The following SRPK1 variants were observed in gnomAD, a reference collection of about 807,000 sequenced individuals.
The protein encoded by SRPK1 is SRSF protein kinase 1, also known as SFRS protein kinase 1.
SRPK1 carries 52 observed loss-of-function variants against 89.5 expected under a neutral mutation model. That is an observed-to-expected ratio of 0.58 (90% confidence interval 0.46 to 0.73). SRPK1 has a LOEUF of 0.73. Among genes scored for constraint, SRPK1 ranks in the 30% least tolerant of loss-of-function variants. SRPK1 has a pLI of 0.00. For synonymous variants in SRPK1, 255 were observed against 270.2 expected (o/e 0.94, Z 0.55); for missense variants, 603 against 780.6 (o/e 0.77, Z 2.71).
At chr6:35,918,223 A>C (rs1312269457) in intron 2 of SRPK1, among the ~76,000 whole-genome samples, 4 of 152,250 alleles carry the variant, frequency 2.6e-5, no homozygotes, top group African/African-American at 9.6e-5. Context: ...AAAAAGAGCA[A>C]GGTGCAGTGG....
chr6:35,920,244 G>C (rs1452235183), intron 2 of SRPK1: 5 of 625,158 alleles, frequency 8.0e-6, no homozygotes, highest in Non-Finnish European at 1.5e-5. Context: ...TCCTCCGACA[G>C]CCCTTTCCAG....
In SRPK1 at chr6:35,863,618, C is replaced by T. The variant is rs1769832101; in HGVS notation, c.1512+5392G>A. ...AGGCCCACTGATCCCCAGGCAAATA[C>T]ATGGGGAGGGGGAGGTGGAGGGGGA... On this transcript the variant is annotated intron_variant, in intron 12 of 15. Transcript: ENST00000373825. 2.8e-5 allele frequency among the ~76,000 whole-genome samples: 4 copies of T among 141,812 alleles called. No homozygotes were observed. The South Asian group carries it at 8.9e-4, about 32-fold the overall frequency. 93.0% of individuals were successfully genotyped at this position (141,812 alleles called of 152,430 possible).
intron 8 of SRPK1, among the ~76,000 whole-genome samples, chr6:35,871,551 C>A (rs1478306520): frequency 2.0e-5 from 3 of 152,166 alleles, no homozygotes; most frequent in African/African-American, 7.2e-5. Flanking sequence ...ATGTTTTCAT[C>A]TTGTAAAACA....
chr6:35,894,280 A>T (rs1770585560), intron 2 of SRPK1, among the ~76,000 whole-genome samples: 2 of 152,192 alleles, frequency 1.3e-5, no homozygotes, highest in African/African-American at 4.8e-5. Flanking sequence ...TTCCATACAG[A>T]CTATGATGCT....
intron 12 of SRPK1, among the ~76,000 whole-genome samples, chr6:35,863,990 G>A (rs921672487): frequency 6.6e-6 from 1 of 152,078 alleles, no homozygotes; most frequent in Non-Finnish European, 1.5e-5. Context: ...ATACCCATAT[G>A]CAGAAAAATG....
intron 13 of SRPK1, among the ~76,000 whole-genome samples, chr6:35,846,179 C>T (rs1769422095): frequency 1.3e-5 from 2 of 151,904 alleles, no homozygotes; most frequent in Admixed American, 1.3e-4. Context: ...AGTCCCAGCA[C>T]TTTGGGAGGC....
intron 2 of SRPK1, among the ~76,000 whole-genome samples, chr6:35,898,988 C>T (rs1009652545): frequency 6.6e-6 from 1 of 152,090 alleles, no homozygotes; most frequent in African/African-American, 2.4e-5. Context: ...TGGTGAAACC[C>T]CGCCTCTACT....
At chr6:35,881,834 T>C (rs1483163331) in intron 6 of SRPK1, among the ~76,000 whole-genome samples, 2 of 151,960 alleles carry the variant, frequency 1.3e-5, no homozygotes, top group African/African-American at 2.4e-5. Flanking sequence ...CTCTCAATAA[T>C]GTATAGAACA....
chr6:35,878,917 G>A (rs901197907), intron 6 of SRPK1, among the ~76,000 whole-genome samples: 3 of 151,872 alleles, frequency 2.0e-5, no homozygotes, highest in African/African-American at 4.8e-5. Flanking sequence ...ATGGTGAAAC[G>A]CTGTCTCTAT....
chr6:35,844,530 T>C (rs1769387236), intron 13 of SRPK1, among the ~76,000 whole-genome samples: 1 of 152,086 alleles, frequency 6.6e-6, no homozygotes, highest in Non-Finnish European at 1.5e-5. Context: ...ACAGCCTTTC[T>C]CAAAACTGTA....
At chr6:35,909,061 CAG>C (rs1368835483) in intron 2 of SRPK1, among the ~76,000 whole-genome samples, 5 of 152,252 alleles carry the variant, frequency 3.3e-5, no homozygotes, top group African/African-American at 1.2e-4. Context: ...GGCCCCCACA[CAG>C]AGTCTGCACC....
At chr6:35,876,689 A>G (rs1404711071) in intron 6 of SRPK1, among the ~76,000 whole-genome samples, 1 of 152,226 alleles carries the variant, frequency 6.6e-6, no homozygotes, top group East Asian at 1.9e-4. Flanking sequence ...TTTCTGCTTT[A>G]GCCAAGATGG....
At chr6:35,838,728 T>A (rs767096095) in intron 14 of SRPK1, 1 of 1,425,194 alleles carries the variant, frequency 7.0e-7, no homozygotes, top group Admixed American at 1.8e-5. Flanking sequence ...AGAAGTCTTG[T>A]GAATATTTCC....
At chr6:35,846,457 T>C (rs1769428495) in intron 13 of SRPK1, among the ~76,000 whole-genome samples, 1 of 150,880 alleles carries the variant, frequency 6.6e-6, no homozygotes, top group Non-Finnish European at 1.5e-5. Flanking sequence ...CTAGGCATGG[T>C]GGCACATGCC....
chr6:35,896,337 G>A (rs546293422), intron 2 of SRPK1, among the ~76,000 whole-genome samples: 1 of 152,184 alleles, frequency 6.6e-6, no homozygotes, highest in African/African-American at 2.4e-5. Flanking sequence ...TTGGTCACAG[G>A]AGTCTGTGTT....
At chr6:35,838,589 C>T in intron 14 of SRPK1, 160 bp from the exon 15 acceptor site, 1 of 1,451,442 alleles carries the variant, frequency 6.9e-7, no homozygotes, top group Non-Finnish European at 9.4e-7. Context: ...AGACTCTATC[C>T]ATCTAATGGA....
intron 6 of SRPK1, among the ~76,000 whole-genome samples, chr6:35,878,174 AC>A (rs34017439): frequency 6.6e-6 from 1 of 152,170 alleles, no homozygotes; most frequent in Non-Finnish European, 1.5e-5. Context: ...AGCAAAGCAT[AC>A]CCCTAAGTGC....
intron 15 of SRPK1, among the ~76,000 whole-genome samples, chr6:35,836,565 C>A (rs1017897515): frequency 1.3e-5 from 2 of 151,868 alleles, no homozygotes; most frequent in East Asian, 3.9e-4. Context: ...CCAGCCTGGG[C>A]AACATAGTGA....
chr6:35,889,564 A>C (rs1045425785), intron 3 of SRPK1, among the ~76,000 whole-genome samples: 5 of 152,082 alleles, frequency 3.3e-5, no homozygotes, highest in African/African-American at 1.2e-4. Flanking sequence ...TGGGTGGATC[A>C]CCTGAGGTCA....
Sources: gnomAD v4.1 joint callset for allele counts (sites outside exome capture counted in the v4.1 genomes callset) on GRCh38, gnomAD v4.1.1 for gene constraint, MANE v1.5 for transcripts, NCBI Gene and HGNC (gene_info 2026-07-23, HGNC 2026-07-21) for gene names.